Variants in MLIP observed in about 807,000 individuals in gnomAD.
The protein encoded by MLIP is muscular LMNA interacting protein, also known as muscular LMNA-interacting protein.
MLIP carries 79 observed loss-of-function variants against 84.8 expected under a neutral mutation model. That is an observed-to-expected ratio of 0.93 (90% CI 0.78 to 1.12). The LOEUF is 1.12. Ranked by LOEUF, MLIP falls within the 50% of genes most tolerant of loss-of-function variation. The pLI, the probability that MLIP is intolerant of heterozygous loss-of-function variation, is 0.00. For missense variants in MLIP, 1,257 were observed against 1,160.6 expected, an observed-to-expected ratio of 1.08 and a Z score of -1.21; for synonymous variants, 504 against 463.0, an observed-to-expected ratio of 1.09 and a Z score of -1.14.
intron 1 of MLIP, among the ~76,000 whole-genome samples, chr6:54,098,917 G>C (rs535353080): frequency 6.6e-6 from 1 of 152,082 alleles, no homozygotes; most frequent in African/African-American, 2.4e-5. Context: ...TCTGTCCAAG[G>C]TTTCACTGCT....
intron 13 of MLIP, among the ~76,000 whole-genome samples, chr6:54,263,394 A>G (rs1419345925): frequency 6.6e-6 from 1 of 152,034 alleles, no homozygotes; most frequent in Non-Finnish European, 1.5e-5. Context: ...TTTTCACCAA[A>G]GTCAATAGTT....
chr6:54,151,688 T>C (rs761133664), intron 5 of MLIP, among the ~76,000 whole-genome samples: 6 of 152,180 alleles, frequency 3.9e-5, no homozygotes, highest in Non-Finnish European at 8.8e-5. Flanking sequence ...ATGTCTTAGC[T>C]ATTTCAACAA....
chr6:54,250,263 G>C (rs964332656), intron 12 of MLIP, among the ~76,000 whole-genome samples: 3 of 152,084 alleles, frequency 2.0e-5, no homozygotes, highest in Non-Finnish European at 2.9e-5. Flanking sequence ...CTGTTGGTGG[G>C]AGTGCAAATT....
chr6:54,246,400 T>A (rs908215840), intron 12 of MLIP, among the ~76,000 whole-genome samples: 2 of 152,168 alleles, frequency 1.3e-5, no homozygotes, highest in African/African-American at 4.8e-5. Flanking sequence ...TTTCTGTCCC[T>A]TATAGCATTT....
intron 1 of MLIP, among the ~76,000 whole-genome samples, chr6:54,052,856 G>T (rs1765451239): frequency 6.6e-6 from 1 of 152,154 alleles, no homozygotes; most frequent in Non-Finnish European, 1.5e-5. Flanking sequence ...TGAATCTGAG[G>T]TTTATTTCAG....
At chr6:54,224,768 T>C (rs1435424382) in intron 11 of MLIP, among the ~76,000 whole-genome samples, 3 of 151,244 alleles carry the variant, frequency 2.0e-5, no homozygotes, top group South Asian at 2.1e-4. Context: ...CCAAAGTTCA[T>C]TGTATCATTC....
upstream of MLIP, among the ~76,000 whole-genome samples, chr6:54,109,680 C>T (rs911305180): frequency 6.6e-6 from 1 of 152,052 alleles, no homozygotes; most frequent in African/African-American, 2.4e-5. Context: ...GCTGTAACAT[C>T]GTTCTCTGAA....
upstream of MLIP, chr6:54,111,372 T>C (rs1176891249): frequency 6.8e-7 from 1 of 1,474,562 alleles, no homozygotes; most frequent in Admixed American, 2.3e-5. Flanking sequence ...CTGCTTTACC[T>C]CTTTTTAGAA....
chr6:54,083,428 A>C (rs1767288901), intron 1 of MLIP: 1 of 1,491,468 alleles, frequency 6.7e-7, no homozygotes, highest in African/African-American at 1.4e-5. Context: ...AGGAGGGCAT[A>C]ATTTGTACAG....
intron 10 of MLIP, among the ~76,000 whole-genome samples, chr6:54,201,383 T>G (rs983341111): frequency 6.6e-6 from 1 of 152,198 alleles, no homozygotes; most frequent in Non-Finnish European, 1.5e-5. Flanking sequence ...GGGAGTCAAT[T>G]CTGGAAAGCC....
At chr6:54,245,898 T>A (rs1782046946) in intron 12 of MLIP, among the ~76,000 whole-genome samples, 1 of 152,154 alleles carries the variant, frequency 6.6e-6, no homozygotes, top group Non-Finnish European at 1.5e-5. Flanking sequence ...CAGGGCAAAA[T>A]TTTTCTATGT....
intron 11 of MLIP, among the ~76,000 whole-genome samples, chr6:54,207,645 T>C (rs972015289): frequency 6.6e-6 from 1 of 152,214 alleles, no homozygotes. Flanking sequence ...TCTATCATAA[T>C]GGTCTGAAGC....
intron 12 of MLIP, among the ~76,000 whole-genome samples, chr6:54,233,903 A>T (rs1355021804): frequency 6.6e-6 from 1 of 152,100 alleles, no homozygotes; most frequent in East Asian, 1.9e-4. Context: ...CTGGCATGAG[A>T]TCGTATCTCA....
intron 11 of MLIP, among the ~76,000 whole-genome samples, chr6:54,206,165 G>A (rs1454331461): frequency 6.6e-6 from 1 of 152,066 alleles, no homozygotes; most frequent in Non-Finnish European, 1.5e-5. Context: ...CTTGTTTTCT[G>A]ATCATTTAAT....
chr6:54,260,629 C>A (rs549976396), intron 13 of MLIP, among the ~76,000 whole-genome samples: 7 of 151,960 alleles, frequency 4.6e-5, no homozygotes, highest in African/African-American at 1.7e-4. Flanking sequence ...GAATTTGTTG[C>A]AGTGAATGAT....
intron 5 of MLIP, among the ~76,000 whole-genome samples, chr6:54,156,528 G>A (rs9296738): frequency 6.8e-4 from 103 of 152,156 alleles, no homozygotes; most frequent in Middle Eastern, 3.4e-3. Flanking sequence ...TAATCGCATT[G>A]CACTAGCATT....
chr6:54,115,613 A>T (rs1451289757), intron 1 of MLIP, among the ~76,000 whole-genome samples: 2 of 152,214 alleles, frequency 1.3e-5, no homozygotes, highest in Non-Finnish European at 2.9e-5. Context: ...ACTGGGTATT[A>T]TACAAAGCAT....
chr6:54,214,821 C>T (rs1395744543), intron 11 of MLIP, among the ~76,000 whole-genome samples: 1 of 152,130 alleles, frequency 6.6e-6, no homozygotes, highest in Non-Finnish European at 1.5e-5. Flanking sequence ...AACTAGAAAA[C>T]ATTTATGAGC....
intron 5 of MLIP, among the ~76,000 whole-genome samples, chr6:54,159,999 A>G (rs944721359): frequency 1.1e-4 from 17 of 152,122 alleles, no homozygotes; most frequent in African/African-American, 3.9e-4. Flanking sequence ...ATGGAACAGA[A>G]CAGAGGCCTC....
Sources: allele counts gnomAD v4.1 joint callset (sites outside exome capture counted in the v4.1 genomes callset), GRCh38; gene constraint gnomAD v4.1.1; transcripts MANE v1.5; gene names NCBI Gene and HGNC (gene_info 2026-07-23, HGNC 2026-07-21).